CDC14B: variants seen among roughly 807,000 people sequenced by gnomAD.
CDC14B encodes dual specificity protein phosphatase CDC14B.
CDC14B carries 22 observed loss-of-function variants against 64.2 expected under a neutral mutation model. The observed-to-expected ratio is 0.34, with a 90% CI of 0.24 to 0.49. The LOEUF (loss-of-function observed/expected upper bound fraction) is 0.49, where lower values mean the gene tolerates loss of function less well. CDC14B is among the 20% of genes least tolerant of loss of function. The pLI is 0.99. For synonymous variants in CDC14B, 191 were observed against 215.8 expected (o/e 0.89, Z 1.01); for missense variants, 498 against 629.9 (o/e 0.79, Z 2.24).
downstream of CDC14B, among the ~76,000 whole-genome samples, chr9:96,495,622 G>C (rs1235317620): frequency 6.6e-6 from 1 of 152,226 alleles, no homozygotes; most frequent in Non-Finnish European, 1.5e-5. Flanking sequence ...TGAGAGGATA[G>C]AGCTGGAGCC....
At chr9:96,546,833 C>T (rs1443480923) in intron 5 of CDC14B, among the ~76,000 whole-genome samples, 8 of 151,648 alleles carry the variant, frequency 5.3e-5, no homozygotes, top group South Asian at 2.1e-4. Flanking sequence ...GAACCTGAGG[C>T]GGGAGGATCA....
At chr9:96,527,290 T>C (rs1308490796) in intron 9 of CDC14B, among the ~76,000 whole-genome samples, 4 of 152,056 alleles carry the variant, frequency 2.6e-5, no homozygotes, top group Non-Finnish European at 5.9e-5. Flanking sequence ...TCCCAGCTAC[T>C]GGGGAGGCTG....
intron 7 of CDC14B, 42 bp downstream of exon 7, chr9:96,539,036 C>CG (rs1157985977): frequency 1.6e-6 from 2 of 1,251,344 alleles, no homozygotes; most frequent in Non-Finnish European, 2.3e-6. Context: ...TAAAGCTGGG[C>CG]GGGGGGAGGA....
At chr9:96,542,492 GT>G (rs556483857) in intron 5 of CDC14B, among the ~76,000 whole-genome samples, 15 of 148,758 alleles carry the variant, frequency 1.0e-4, no homozygotes, top group African/African-American at 2.5e-4. Context: ...TAACTTCTGG[GT>G]TTTTTTTTTA....
intron 1 of CDC14B, among the ~76,000 whole-genome samples, chr9:96,599,880 T>C (rs931447517): frequency 2.6e-5 from 4 of 151,984 alleles, no homozygotes; most frequent in African/African-American, 7.3e-5. Flanking sequence ...TACAGGCGCA[T>C]GCCACCACAC....
intron 1 of CDC14B, among the ~76,000 whole-genome samples, chr9:96,608,556 T>C (rs1382215321): frequency 1.3e-5 from 2 of 152,234 alleles, no homozygotes; most frequent in African/African-American, 4.8e-5. Context: ...AAAATTAGAA[T>C]GCTTTTCAGT....
intron 12 of CDC14B, among the ~76,000 whole-genome samples, chr9:96,517,235 G>A (rs535721021): frequency 2.6e-4 from 40 of 151,436 alleles, no homozygotes; most frequent in South Asian, 2.1e-4. Context: ...CCAGCTACTC[G>A]GGAAGTTGGG....
chr9:96,613,362 C>T (rs555766531), intron 1 of CDC14B, among the ~76,000 whole-genome samples: 2 of 152,200 alleles, frequency 1.3e-5, no homozygotes, highest in Non-Finnish European at 2.9e-5. Flanking sequence ...CATTCCTTCC[C>T]ATTCAAAAGC....
chr9:96,588,754 G>C (rs185385049), intron 1 of CDC14B, among the ~76,000 whole-genome samples: 12 of 152,238 alleles, frequency 7.9e-5, no homozygotes, highest in Admixed American at 2.6e-4. Context: ...GATTACAGAC[G>C]TGAGCCATTG....
chr9:96,539,843 C>T (rs1413599861), intron 6 of CDC14B, among the ~76,000 whole-genome samples: 2 of 152,150 alleles, frequency 1.3e-5, no homozygotes, highest in Non-Finnish European at 2.9e-5. Context: ...GACAAACAGA[C>T]CTAGCAGCCT....
chr9:96,593,566 A>C (rs1845902034), intron 1 of CDC14B, among the ~76,000 whole-genome samples: 1 of 151,940 alleles, frequency 6.6e-6, no homozygotes, highest in Admixed American at 6.6e-5. Context: ...TGCCTAAGTT[A>C]ATTCATATAA....
intron 4 of CDC14B, 156 bp downstream of exon 4, chr9:96,562,537 C>T: frequency 1.6e-6 from 1 of 627,142 alleles, no homozygotes. Context: ...TCCACATAAG[C>T]ACAGCTTCCT....
chr9:96,583,099 A>G (rs892403208), intron 1 of CDC14B, among the ~76,000 whole-genome samples: 6 of 152,174 alleles, frequency 3.9e-5, no homozygotes, highest in African/African-American at 1.4e-4. Flanking sequence ...CCTCTGGAAA[A>G]TTTATAATTC....
chr9:96,606,704 T>C (rs1402553920), intron 1 of CDC14B, among the ~76,000 whole-genome samples: 5 of 151,946 alleles, frequency 3.3e-5, no homozygotes, highest in African/African-American at 1.2e-4. Flanking sequence ...GGAGCTGGGA[T>C]TACAGGCACA....
intron 12 of CDC14B, among the ~76,000 whole-genome samples, chr9:96,510,005 C>T (rs887544966): frequency 1.3e-5 from 2 of 152,290 alleles, no homozygotes; most frequent in South Asian, 2.1e-4. Flanking sequence ...ACAAAGACAA[C>T]CAGAGGGCTT....
intron 9 of CDC14B, among the ~76,000 whole-genome samples, chr9:96,531,406 C>G (rs766899836): frequency 6.6e-6 from 1 of 152,092 alleles, no homozygotes; most frequent in Non-Finnish European, 1.5e-5. Context: ...TGTAGACTAT[C>G]CAATTTGTTG....
intron 1 of CDC14B, among the ~76,000 whole-genome samples, chr9:96,606,332 CAAAAAAAAAAA>C (rs772460843): frequency 5.1e-3 from 108 of 21,058 alleles, no homozygotes; most frequent in African/African-American, 0.011. Flanking sequence ...GACTCCATCT[CAAAAAAAAAAA>C]AAAAAAAAAA....
chr9:96,522,547 C>T lies in CDC14B; in HGVS notation c.1302G>A (p.Leu434=). Residue 434 remains leucine (L), a synonymous_variant, in exon 12 of 14, where the codon TTG becomes TTA. Coordinates refer to ENST00000375241, the MANE Select transcript of CDC14B (RefSeq NM_033331.4). ...GVTQGDRLRA[L]KSRRQSKTNA... ...TTGTTTTGGATTGTCTTCTGCTTTT[C>T]AAGGCCCGAAGTCTATCACCTTGTG... 6.2e-7 allele frequency: 1 copy of T among 1,613,856 alleles called. No individual in the cohort carries two copies. Among genetic ancestry groups the T allele is most frequent in the East Asian group, 2.2e-5 (1 of 44,884 alleles).
intron 2 of CDC14B, among the ~76,000 whole-genome samples, 170 bp downstream of exon 2, chr9:96,565,223 G>GTTTT (rs374778529): frequency 2.9e-4 from 41 of 141,540 alleles, no homozygotes; most frequent in African/African-American, 9.1e-4. Flanking sequence ...ATTTAGGGAG[G>GTTTT]TTTTTTTTTT....
Sources: allele counts gnomAD v4.1 joint callset (sites outside exome capture counted in the v4.1 genomes callset), GRCh38; gene constraint gnomAD v4.1.1; transcripts MANE v1.5; gene names NCBI Gene and HGNC (gene_info 2026-07-23, HGNC 2026-07-21).